Variants in GRIN2A observed in about 807,000 individuals in gnomAD.
The protein encoded by GRIN2A is glutamate receptor ionotropic, NMDA 2A.
GRIN2A carries 22 observed loss-of-function variants against 113.4 expected under a neutral mutation model. The observed-to-expected ratio is 0.19, with a 90% confidence interval of 0.14 to 0.28. GRIN2A has a LOEUF of 0.28. Among genes scored for constraint, GRIN2A ranks in the 10% least tolerant of loss-of-function variants. The pLI is 1.00. For synonymous variants in GRIN2A, 827 were observed against 738.4 expected (o/e 1.12, Z -1.94); for missense variants, 1,502 against 1,887.0 (o/e 0.80, Z 3.78).
At chr16:10,099,631 T>C (rs1246600793) in intron 2 of GRIN2A, among the ~76,000 whole-genome samples, 2 of 152,212 alleles carry the variant, frequency 1.3e-5, no homozygotes, top group African/African-American at 4.8e-5. Context: ...AAGGTAGTCT[T>C]GCCATCTCTA....
intron 2 of GRIN2A, among the ~76,000 whole-genome samples, chr16:10,129,892 C>G (rs2049026273): frequency 1.3e-5 from 2 of 152,216 alleles, no homozygotes; most frequent in African/African-American, 4.8e-5. Flanking sequence ...GCTGCTGTCA[C>G]TGAATGCAGA....
intron 1 of GRIN2A, among the ~76,000 whole-genome samples, chr16:10,181,199 GCACACACACA>G (rs202075397): frequency 1.5e-4 from 2 of 12,944 alleles, no homozygotes; most frequent in Non-Finnish European, 3.9e-4. Context: ...ACACACACGT[GCACACACACA>G]CGCACACACA....
At chr16:9,963,186 G>C (rs1387889903) in intron 2 of GRIN2A, among the ~76,000 whole-genome samples, 4 of 151,190 alleles carry the variant, frequency 2.6e-5, no homozygotes, top group Non-Finnish European at 5.9e-5. Flanking sequence ...GAGTTAATGG[G>C]TGCAGCACAC....
At chr16:9,950,538 C>G (rs2045153735) in intron 2 of GRIN2A, among the ~76,000 whole-genome samples, 1 of 152,178 alleles carries the variant, frequency 6.6e-6, no homozygotes, top group Non-Finnish European at 1.5e-5. Flanking sequence ...TCATTTTCAC[C>G]CCTCTCACTT....
chr16:10,155,503 G>A (rs1244868691), intron 2 of GRIN2A, among the ~76,000 whole-genome samples: 1 of 152,168 alleles, frequency 6.6e-6, no homozygotes, highest in East Asian at 1.9e-4. Flanking sequence ...CCCTTCTACA[G>A]TCCCTGCCAA....
At chr16:9,892,794 T>A (rs1235883274) in intron 3 of GRIN2A, among the ~76,000 whole-genome samples, 2 of 152,162 alleles carry the variant, frequency 1.3e-5, no homozygotes, top group Admixed American at 1.3e-4. Flanking sequence ...GTTAAAGACA[T>A]CTGAGACAAC....
chr16:9,830,545 G>A lies in GRIN2A; in HGVS notation c.1778-893C>T, dbSNP rs2042473364. 2.0e-5 allele frequency among the ~76,000 whole-genome samples: 3 copies of A among 151,004 alleles called. No individual in the cohort carries two copies. The South Asian group carries it at 6.3e-4, about 32-fold the overall frequency. On this transcript the variant is annotated intron_variant, in intron 8 of 12. Coordinates refer to ENST00000330684, the MANE Select transcript of GRIN2A (RefSeq NM_001134407.3). ...TCATAGGGAAGGTTTCCCTTTAACA[G>A]GAGGTTAATTTTTATGTCATTTAAG... is the stretch of plus-strand genomic sequence containing the variant.
chr16:10,049,938 A>G (rs1054678787), intron 2 of GRIN2A, among the ~76,000 whole-genome samples: 3 of 152,306 alleles, frequency 2.0e-5, no homozygotes, highest in Admixed American at 1.3e-4. Context: ...TGGAAAAGCC[A>G]CTGTTATCAT....
intron 4 of GRIN2A, among the ~76,000 whole-genome samples, chr16:9,852,835 T>C (rs561564265): frequency 6.6e-6 from 1 of 152,344 alleles, no homozygotes; most frequent in South Asian, 2.1e-4. Context: ...TGTAGACAGG[T>C]TTAGCAGAGT....
intron 2 of GRIN2A, among the ~76,000 whole-genome samples, chr16:10,051,370 G>C (rs528804087): frequency 1.3e-5 from 2 of 152,176 alleles, no homozygotes; most frequent in Admixed American, 6.5e-5. Context: ...AAGGGCAGTC[G>C]TAAGTGAGTA....
intron 8 of GRIN2A, among the ~76,000 whole-genome samples, chr16:9,830,158 C>T (rs2042463835): frequency 1.3e-5 from 2 of 152,088 alleles, no homozygotes; most frequent in Non-Finnish European, 2.9e-5. Flanking sequence ...AAAGTGTGTA[C>T]AACATAAGAA....
intron 2 of GRIN2A, among the ~76,000 whole-genome samples, chr16:9,963,958 GGACA>G (rs2045498050): frequency 6.6e-6 from 1 of 152,186 alleles, no homozygotes; most frequent in South Asian, 2.1e-4. Context: ...ACAGTCTAGT[GGACA>G]GACAGACACA....
rs1445816116 is a variant in GRIN2A, at chr16:9,753,926, T to G, written c.*9223A>C. The G allele has an allele frequency of 5.6e-6, 1 of 178,440 alleles. No individual in the cohort carries two copies. The highest frequency in any genetic ancestry group is 1.2e-5 in the Non-Finnish European group (1 of 83,208). The allele number at this position is 178,440 out of a possible 1,614,324, so 11.1% of individuals were successfully genotyped here. A position where few individuals can be genotyped will look rare whatever the true frequency, so the allele number is the denominator to read the frequency against. On this transcript the variant is annotated 3_prime_UTR_variant, in exon 13 of 13. Transcript: ENST00000330684. ...GAGTTCAATCCTAGCCTTGTTGGGT[T>G]AAAAATGGACTCAGACATAAACCTG...
intron 2 of GRIN2A, among the ~76,000 whole-genome samples, chr16:10,039,683 G>A (rs2047106807): frequency 6.6e-6 from 1 of 151,314 alleles, no homozygotes; most frequent in African/African-American, 2.4e-5. Context: ...TCTACTCCTG[G>A]GAGGGGCCTT....
At chr16:10,010,078 T>G (rs147242175) in intron 2 of GRIN2A, among the ~76,000 whole-genome samples, 1 of 152,354 alleles carries the variant, frequency 6.6e-6, no homozygotes, top group African/African-American at 2.4e-5. Context: ...TGAATTCTGT[T>G]TGAATTCCTG....
chr16:9,988,353 T>C (rs2046028371), intron 2 of GRIN2A, among the ~76,000 whole-genome samples: 1 of 151,926 alleles, frequency 6.6e-6, no homozygotes, highest in African/African-American at 2.4e-5. Flanking sequence ...AAATTTTTAA[T>C]ACATAAAAAC....
intron 2 of GRIN2A, among the ~76,000 whole-genome samples, chr16:10,013,129 G>A (rs890949405): frequency 3.3e-5 from 5 of 151,962 alleles, no homozygotes; most frequent in East Asian, 1.9e-4. Flanking sequence ...ACAAACCTTC[G>A]CATGTACCCC....
chr16:9,899,440 CAAAAAA>C (rs71157791), intron 3 of GRIN2A, among the ~76,000 whole-genome samples: 8 of 6,206 alleles, frequency 1.3e-3, no homozygotes, highest in Admixed American at 5.5e-3. Flanking sequence ...AACTCCGTCT[CAAAAAA>C]AAAAAAAAAA....
intron 2 of GRIN2A, among the ~76,000 whole-genome samples, chr16:9,939,803 G>A (rs1344127378): frequency 1.3e-5 from 2 of 152,136 alleles, no homozygotes; most frequent in Non-Finnish European, 2.9e-5. Flanking sequence ...TTGTTGACTT[G>A]TGGACATGGT....
Sources: allele counts gnomAD v4.1 joint callset (sites outside exome capture counted in the v4.1 genomes callset), GRCh38; gene constraint gnomAD v4.1.1; transcripts MANE v1.5; gene names NCBI Gene and HGNC (gene_info 2026-07-23, HGNC 2026-07-21).